MEIS1: variants seen among roughly 807,000 people sequenced by gnomAD.
MEIS1 encodes the protein homeobox protein Meis1.
A neutral mutation model predicts 50.8 loss-of-function variants in MEIS1; 5 were observed. The observed-to-expected ratio is 0.10, with a 90% CI of 0.05 to 0.21. The LOEUF is 0.21. Among genes scored for constraint, MEIS1 ranks in the 10% least tolerant of loss-of-function variants. The pLI, the probability that MEIS1 is intolerant of heterozygous loss-of-function variation, is 1.00. For missense variants in MEIS1, 318 were observed against 517.3 expected (o/e 0.61, Z 3.74); for synonymous variants, 176 against 179.3 (o/e 0.98, Z 0.15).
intron 7 of MEIS1, among the ~76,000 whole-genome samples, chr2:66,475,255 A>T (rs1055901499): frequency 4.3e-4 from 63 of 146,298 alleles, no homozygotes; most frequent in African/African-American, 7.9e-4. Context: ...TGTTATTTAT[A>T]AAATAAATAT....
intron 9 of MEIS1, among the ~76,000 whole-genome samples, chr2:66,565,419 T>C (rs552674844): frequency 1.6e-4 from 24 of 152,314 alleles, no homozygotes; most frequent in Admixed American, 3.3e-4. Flanking sequence ...CCAGTGGTAA[T>C]TGGCTTGAAA....
chr2:66,543,271 G>T (rs563644978), intron 8 of MEIS1, among the ~76,000 whole-genome samples: 1 of 152,104 alleles, frequency 6.6e-6, no homozygotes, highest in South Asian at 2.1e-4. Context: ...TCTTTGACGG[G>T]GTCATTAAGC....
At chr2:66,494,460 C>G (rs1673349194) in intron 7 of MEIS1, among the ~76,000 whole-genome samples, 1 of 152,190 alleles carries the variant, frequency 6.6e-6, no homozygotes, top group African/African-American at 2.4e-5. Context: ...TGCTATTCAT[C>G]TAACAAACTC....
chr2:66,453,013 A>G (rs1223466338), intron 6 of MEIS1, among the ~76,000 whole-genome samples: 1 of 151,900 alleles, frequency 6.6e-6, no homozygotes, highest in Non-Finnish European at 1.5e-5. Flanking sequence ...GAGTATAAAC[A>G]TTTTTATTCT....
intron 8 of MEIS1, among the ~76,000 whole-genome samples, chr2:66,516,289 G>A (rs1452866314): frequency 6.6e-6 from 1 of 152,138 alleles, no homozygotes; most frequent in Non-Finnish European, 1.5e-5. Flanking sequence ...ATAAGGGAGG[G>A]AGGTAGAAAG....
intron 8 of MEIS1, among the ~76,000 whole-genome samples, chr2:66,533,030 C>T (rs1210681945): frequency 6.6e-6 from 1 of 152,056 alleles, no homozygotes; most frequent in African/African-American, 2.4e-5. Context: ...AAATAATTTC[C>T]GAATACTTTA....
intron 9 of MEIS1, among the ~76,000 whole-genome samples, chr2:66,565,067 G>A (rs574453764): frequency 7.9e-5 from 12 of 152,084 alleles, no homozygotes; most frequent in East Asian, 1.9e-4. Flanking sequence ...TTGGGGGACA[G>A]ATATCATATA....
At chr2:66,551,201 A>G (rs1674910217) in intron 9 of MEIS1, among the ~76,000 whole-genome samples, 1 of 152,204 alleles carries the variant, frequency 6.6e-6, no homozygotes, top group African/African-American at 2.4e-5. Flanking sequence ...CTTTGACTGA[A>G]AAATAGACAA....
chr2:66,442,228 C>T (rs1672004457), intron 5 of MEIS1, among the ~76,000 whole-genome samples: 1 of 146,454 alleles, frequency 6.8e-6, no homozygotes, highest in South Asian at 2.1e-4. Flanking sequence ...GAAACCTCTG[C>T]ACTTACACTT....
intron 7 of MEIS1, among the ~76,000 whole-genome samples, chr2:66,475,579 C>G (rs1672875022): frequency 6.6e-6 from 1 of 152,002 alleles, no homozygotes; most frequent in African/African-American, 2.4e-5. Context: ...CCTGAGCTTC[C>G]TAGCAGCTAA....
At chr2:66,521,180 C>A (rs565398659) in intron 8 of MEIS1, among the ~76,000 whole-genome samples, 2 of 152,144 alleles carry the variant, frequency 1.3e-5, no homozygotes, top group African/African-American at 4.8e-5. Flanking sequence ...ATAATTTTTG[C>A]GTTTTTGGAA....
At chr2:66,516,243 G>A (rs1293909452) in intron 8 of MEIS1, among the ~76,000 whole-genome samples, 1 of 152,110 alleles carries the variant, frequency 6.6e-6, no homozygotes, top group Non-Finnish European at 1.5e-5. Context: ...TTCCTGCATG[G>A]AGCTCCCGTG....
intron 9 of MEIS1, among the ~76,000 whole-genome samples, chr2:66,553,342 G>A (rs1169528298): frequency 6.6e-6 from 1 of 152,186 alleles, no homozygotes; most frequent in Non-Finnish European, 1.5e-5. Flanking sequence ...GAATATTTCA[G>A]AATGGGTTGT....
intron 8 of MEIS1, among the ~76,000 whole-genome samples, chr2:66,530,245 A>G (rs866153738): frequency 9.2e-5 from 14 of 152,092 alleles, no homozygotes; most frequent in African/African-American, 3.4e-4. Flanking sequence ...TTCAGAGTGT[A>G]GTTGAGAATA....
At chr2:66,456,947 A>G (rs1474601767) in intron 6 of MEIS1, among the ~76,000 whole-genome samples, 1 of 152,206 alleles carries the variant, frequency 6.6e-6, no homozygotes, top group Non-Finnish European at 1.5e-5. Flanking sequence ...TTTCACGTCC[A>G]TATCATTCCT....
chr2:66,437,868 T>C lies in MEIS1; in HGVS notation c.144T>C (p.His48=). The change falls in exon 2 of 13, where the codon CAT becomes CAC. Residue 48 remains histidine (H), a synonymous_variant. Transcript: ENST00000272369. ...HLNHGPPLHS[H]QYPHTAHTNA... is the part of the protein sequence containing the mutation. ...ACCACGGGCCTCCTCTGCACTCGCA[T>C]CAGTACCCGCACACAGCTCATACCA... 1 of 1,613,076 alleles carries C rather than the reference T, an allele frequency of 6.2e-7. No homozygotes were observed.
In MEIS1 at chr2:66,554,834, C is replaced by G. The variant is rs183635922; in HGVS notation, c.965+6815C>G. Among the ~76,000 whole-genome samples, 55 of 152,270 alleles carry G rather than the reference C, an allele frequency of 3.6e-4. No homozygotes were observed. The East Asian group carries it at 9.7e-3, about 27-fold the overall frequency. On this transcript the variant is annotated intron_variant, in intron 9 of 12. Coordinates refer to ENST00000272369, the MANE Select transcript of MEIS1 (RefSeq NM_002398.3). ...ATTAATTAAAAAGTTGTAGTTGTAA[C>G]TTTCCTCATCTTACATAAGCAAATC...
intron 8 of MEIS1, among the ~76,000 whole-genome samples, chr2:66,516,704 G>A (rs1673979555): frequency 1.3e-5 from 2 of 152,054 alleles, no homozygotes; most frequent in African/African-American, 4.8e-5. Context: ...GTTGAGAATA[G>A]CGTTTCCATA....
chr2:66,449,890 T>G (rs1245590081), intron 6 of MEIS1, among the ~76,000 whole-genome samples: 1 of 152,158 alleles, frequency 6.6e-6, no homozygotes, highest in Non-Finnish European at 1.5e-5. Context: ...TAAAACTGAC[T>G]AAAACATACT....
Sources: gnomAD v4.1 joint callset for allele counts (sites outside exome capture counted in the v4.1 genomes callset) on GRCh38, gnomAD v4.1.1 for gene constraint, MANE v1.5 for transcripts, NCBI Gene and HGNC (gene_info 2026-07-23, HGNC 2026-07-21) for gene names.